The following COX18 variants were observed in gnomAD, a reference collection of about 807,000 sequenced individuals.
The protein encoded by COX18 is cytochrome c oxidase assembly protein COX18, mitochondrial.
In COX18, 45 loss-of-function variants were observed where a neutral mutation model predicts 38.0. That is an observed-to-expected ratio of 1.18 (90% CI 0.93 to 1.52). The LOEUF is 1.52. Ranked by LOEUF, COX18 falls within the 40% of genes most tolerant of loss-of-function variation. The pLI is 0.00. For missense variants in COX18, 462 were observed against 423.8 expected, an observed-to-expected ratio of 1.09 and a Z score of -0.79; for synonymous variants, 177 against 169.8, an observed-to-expected ratio of 1.04 and a Z score of -0.33.
intron 4 of COX18, 89 bp downstream of exon 4, chr4:73,064,689 C>A: frequency 2.0e-6 from 3 of 1,469,978 alleles, no homozygotes; most frequent in Non-Finnish European, 2.8e-6. Context: ...GCTATCTTCA[C>A]CAACTCAAAC....
chr4:73,068,810 A>C (rs1720601872), intron 1 of COX18, among the ~76,000 whole-genome samples: 1 of 152,240 alleles, frequency 6.6e-6, no homozygotes, highest in South Asian at 2.1e-4. Flanking sequence ...TTCAGCATTA[A>C]AAGGTCAAGT....
At chr4:73,062,530 T>G (rs1227977537) in intron 4 of COX18, among the ~76,000 whole-genome samples, 1 of 152,152 alleles carries the variant, frequency 6.6e-6, no homozygotes, top group African/African-American at 2.4e-5. Flanking sequence ...GTCACAGGAT[T>G]CTTCAAGCTC....
intron 2 of COX18, among the ~76,000 whole-genome samples, chr4:73,067,333 C>A (rs553246044): frequency 6.6e-6 from 1 of 152,310 alleles, no homozygotes; most frequent in East Asian, 1.9e-4. Flanking sequence ...TCCTGTGAAC[C>A]CTGCCCTGAC....
In COX18 at chr4:73,065,513, C is replaced by T; in HGVS notation, c.435-100G>A. The T allele has an allele frequency of 3.8e-6, 4 of 1,039,880 alleles. No individual in the cohort carries two copies. In the South Asian group the frequency reaches 6.7e-5, roughly 17 times the overall value. 64.4% of individuals were successfully genotyped at this position (1,039,880 alleles called of 1,614,324 possible). ...AAATAGCGCCTGCTGTAGTTATTAGCTAAAGGATTTGTATAAGGGTTTCAG... is the reference window on the plus strand; with the variant it reads ...AAATAGCGCCTGCTGTAGTTATTAGTTAAAGGATTTGTATAAGGGTTTCAG... On this transcript the variant is annotated intron_variant, in intron 2 of 5. Coordinates refer to ENST00000507544, the MANE Select transcript of COX18 (RefSeq NM_001297732.2).
At chr4:73,065,959 ACT>A (rs1222343471) in intron 2 of COX18, among the ~76,000 whole-genome samples, 1 of 152,160 alleles carries the variant, frequency 6.6e-6, no homozygotes, top group African/African-American at 2.4e-5. Flanking sequence ...CTGAAATTTT[ACT>A]TTTTAGAATA....
chr4:73,061,536 G>A (rs1197104903), intron 5 of COX18, among the ~76,000 whole-genome samples: 1 of 151,726 alleles, frequency 6.6e-6, no homozygotes, highest in Non-Finnish European at 1.5e-5. Flanking sequence ...GTGAAACCCC[G>A]TCTCTACCAA....
At chr4:73,064,738 CCCCATA>C (rs1720341596) in intron 4 of COX18, 34 bp downstream of exon 4, 1 of 1,601,240 alleles carries the variant, frequency 6.2e-7, no homozygotes. Context: ...CAACAAAAAT[CCCCATA>C]AATGGCAAAC....
intron 5 of COX18, among the ~76,000 whole-genome samples, chr4:73,060,865 G>C (rs1455495856): frequency 3.3e-5 from 4 of 122,138 alleles, no homozygotes; most frequent in Non-Finnish European, 1.7e-5. Context: ...GGGCGACAGA[G>C]CAAGACTCCA....
chr4:73,063,216 G>T (rs768846304), intron 4 of COX18, among the ~76,000 whole-genome samples: 1 of 152,000 alleles, frequency 6.6e-6, no homozygotes, highest in Non-Finnish European at 1.5e-5. Flanking sequence ...TGAGACAAGA[G>T]AATCACCTGA....
chr4:73,060,954 G>A (rs1214699887), intron 5 of COX18, among the ~76,000 whole-genome samples: 2 of 151,702 alleles, frequency 1.3e-5, no homozygotes, highest in African/African-American at 4.8e-5. Context: ...AACTGAATTC[G>A]ACTTTATGTG....
chr4:73,063,312 A>AAAACAAACAAAC (rs142907172), intron 4 of COX18, among the ~76,000 whole-genome samples: 4 of 151,898 alleles, frequency 2.6e-5, no homozygotes, highest in African/African-American at 9.7e-5. Context: ...TCTCAAGAAA[A>AAAACAAACAAAC]AAACAAACAA....
At position 73,053,869 on chromosome 4, in the gene COX18, T is replaced by C. The variant is rs1018056857; in HGVS notation, c.*4245A>G. Reference sequence around the variant, plus strand: ...TCTAACGGTCCCAGGGAAAAGTAATTTGGGATCATTTCAGATACGCCAATT... The same window carrying C: ...TCTAACGGTCCCAGGGAAAAGTAATCTGGGATCATTTCAGATACGCCAATT... On this transcript the variant is annotated 3_prime_UTR_variant, in exon 6 of 6. Transcript: ENST00000507544. 6.6e-6 allele frequency: 1 copy of C among 152,342 alleles called. No homozygotes were observed. Among genetic ancestry groups the C allele is most frequent in the South Asian group, 2.1e-4 (1 of 4,826 alleles). 9.4% of individuals were successfully genotyped at this position (152,342 alleles called of 1,614,324 possible).
intron 2 of COX18, among the ~76,000 whole-genome samples, 165 bp downstream of exon 2, chr4:73,067,864 A>AATAT (rs1377330345): frequency 8.5e-4 from 17 of 20,016 alleles, no homozygotes; most frequent in African/African-American, 1.4e-3. Context: ...AAAAAAAAAA[A>AATAT]ATATATATAT....
rs181717290 is a variant in COX18, at chr4:73,061,568, C to T, written c.831+245G>A. Among the ~76,000 whole-genome samples the T allele has an allele frequency of 1.6e-3, 247 of 152,150 alleles. 1 individual carries two copies. Among genetic ancestry groups the T allele is most frequent in the African/African-American group, 5.6e-3 (232 of 41,532 alleles). ...CCAAAAATACAAAAAATTAGCCAGG[C>T]GTGGTGGCAGGCGCCTGTAGTCCCA... On this transcript the variant is annotated intron_variant, in intron 5 of 5. Transcript: ENST00000507544.
chr4:73,059,773 CATT>C (rs958709878), intron 5 of COX18, among the ~76,000 whole-genome samples: 26 of 152,282 alleles, frequency 1.7e-4, no homozygotes, highest in Non-Finnish European at 2.6e-4. Context: ...TGGCTATCAT[CATT>C]ATCTGATTTA....
chr4:73,069,727 G>A (rs1001537376), upstream of COX18: 1 of 1,356,720 alleles, frequency 7.4e-7, no homozygotes, highest in East Asian at 2.5e-5. Context: ...GCTGATACGC[G>A]CACGCGCCAG....
intron 2 of COX18, among the ~76,000 whole-genome samples, chr4:73,066,267 CA>C (rs1720441688): frequency 1.3e-5 from 2 of 152,198 alleles, no homozygotes; most frequent in Admixed American, 6.5e-5. Context: ...GTTCATCCAA[CA>C]AATCAGACTT....
chr4:73,059,918 A>G (rs1227192002), intron 5 of COX18, among the ~76,000 whole-genome samples: 1 of 152,156 alleles, frequency 6.6e-6, no homozygotes. Context: ...AAAAAAAAAA[A>G]AGACTATATT....
chr4:73,058,408 G>T, intron 5 of COX18, 121 bp from the exon 6 acceptor site: 1 of 676,870 alleles, frequency 1.5e-6, no homozygotes, highest in Non-Finnish European at 2.4e-6. Flanking sequence ...AGCAAGACTT[G>T]CAGCAGCTAC....
Sources: gnomAD v4.1 joint callset for allele counts (sites outside exome capture counted in the v4.1 genomes callset) on GRCh38, gnomAD v4.1.1 for gene constraint, MANE v1.5 for transcripts, NCBI Gene and HGNC (gene_info 2026-07-23, HGNC 2026-07-21) for gene names.